The following RGS22 variants were observed in gnomAD, a reference collection of about 807,000 sequenced individuals.
RGS22 encodes the protein regulator of G-protein signaling 22.
A neutral mutation model predicts 172.9 loss-of-function variants in RGS22; 148 were observed. The ratio of observed to expected loss-of-function variants is 0.86; its 90% CI spans 0.75 to 0.98. RGS22 has a LOEUF of 0.98. RGS22 is among the 50% of genes least tolerant of loss of function. The pLI, the probability that RGS22 is intolerant of heterozygous loss-of-function variation, is 0.00. For missense variants in RGS22, 1,347 were observed against 1,440.8 expected (o/e 0.93, Z 1.05); for synonymous variants, 458 against 480.2 (o/e 0.95, Z 0.60).
At chr8:100,067,485 AAGG>A (rs1253563156) in intron 6 of RGS22, among the ~76,000 whole-genome samples, 2 of 152,184 alleles carry the variant, frequency 1.3e-5, no homozygotes, top group African/African-American at 4.8e-5. Flanking sequence ...AGAAACATTC[AAGG>A]AGTTCAGAGA....
At chr8:100,062,480 A>T in intron 9 of RGS22, 111 bp downstream of exon 9, 1 of 694,604 alleles carries the variant, frequency 1.4e-6, no homozygotes, top group Non-Finnish European at 2.4e-6. Context: ...AAGATACAAT[A>T]GTCTTGTCAT....
At chr8:100,056,347 T>C (rs1399978994) in intron 9 of RGS22, among the ~76,000 whole-genome samples, 1 of 152,204 alleles carries the variant, frequency 6.6e-6, no homozygotes, top group Non-Finnish European at 1.5e-5. Context: ...AAACCCATTT[T>C]CTAGGGAGAA....
At chr8:100,047,379 T>C in intron 11 of RGS22, 84 bp downstream of exon 11, 1 of 1,280,580 alleles carries the variant, frequency 7.8e-7, no homozygotes, top group Non-Finnish European at 1.1e-6. Context: ...AAAGTACTAG[T>C]TTTTAATTTC....
intron 23 of RGS22, among the ~76,000 whole-genome samples, chr8:99,968,894 T>C (rs1232021066): frequency 1.3e-5 from 2 of 151,888 alleles, no homozygotes; most frequent in African/African-American, 4.8e-5. Flanking sequence ...ACTAAGATAC[T>C]CCTCGAGAAG....
chr8:99,995,907 T>C (rs1006224288), intron 20 of RGS22, among the ~76,000 whole-genome samples: 2 of 152,146 alleles, frequency 1.3e-5, no homozygotes, highest in Non-Finnish European at 2.9e-5. Flanking sequence ...GTGGCACATA[T>C]ACACCATGGA....
At chr8:100,095,926 T>C (rs1351399505) in intron 2 of RGS22, among the ~76,000 whole-genome samples, 1 of 152,274 alleles carries the variant, frequency 6.6e-6, no homozygotes, top group Non-Finnish European at 1.5e-5. Context: ...AAATAAGTGT[T>C]GCCTGCAAGT....
chr8:100,093,881 A>T (rs1812772351), intron 2 of RGS22, among the ~76,000 whole-genome samples: 1 of 152,224 alleles, frequency 6.6e-6, no homozygotes, highest in South Asian at 2.1e-4. Flanking sequence ...CATATTTCAT[A>T]AAAATAAAGG....
intron 21 of RGS22, 105 bp downstream of exon 21, chr8:99,987,353 G>T: frequency 1.3e-6 from 1 of 771,960 alleles, no homozygotes; most frequent in Non-Finnish European, 2.0e-6. Flanking sequence ...TAGCAAAATT[G>T]GGATATCTTA....
intron 13 of RGS22, 49 bp from the exon 14 acceptor site, chr8:100,039,081 T>A: frequency 9.6e-7 from 1 of 1,038,428 alleles, no homozygotes; most frequent in Non-Finnish European, 1.4e-6. Context: ...TTATTAAAAC[T>A]CTTACAAAGC....
intron 20 of RGS22, among the ~76,000 whole-genome samples, chr8:99,995,808 A>C (rs1814299096): frequency 6.6e-6 from 1 of 152,230 alleles, no homozygotes; most frequent in African/African-American, 2.4e-5. Flanking sequence ...AGACACATGC[A>C]CACGTATGTT....
intron 16 of RGS22, among the ~76,000 whole-genome samples, chr8:100,005,074 A>G (rs1280368334): frequency 6.6e-6 from 1 of 152,058 alleles, no homozygotes; most frequent in East Asian, 1.9e-4. Flanking sequence ...GGATAGTATT[A>G]TAAAGTTTAG....
intron 3 of RGS22, among the ~76,000 whole-genome samples, chr8:100,089,123 G>A (rs544240002): frequency 8.6e-5 from 13 of 151,734 alleles, no homozygotes; most frequent in African/African-American, 2.2e-4. Context: ...AAACAGAGAA[G>A]AAGGAAATTT....
chr8:100,070,027 C>T (rs1486946434), intron 6 of RGS22, among the ~76,000 whole-genome samples: 1 of 39,894 alleles, frequency 2.5e-5, no homozygotes, highest in Non-Finnish European at 4.5e-5. Context: ...GACTCTGTCT[C>T]AAAAAAAAAA....
At chr8:99,967,666 C>T (rs1248718413) in intron 23 of RGS22, among the ~76,000 whole-genome samples, 1 of 152,158 alleles carries the variant, frequency 6.6e-6, no homozygotes, top group East Asian at 1.9e-4. Flanking sequence ...CAGCTGTGGC[C>T]AGACTGCCTC....
intron 9 of RGS22, among the ~76,000 whole-genome samples, chr8:100,060,421 T>TATATATATATATACAC (rs1245783464): frequency 4.2e-5 from 5 of 119,514 alleles, no homozygotes; most frequent in African/African-American, 1.4e-4. Context: ...TATATATATA[T>TATATATATATATACAC]ACACACACAC....
rs761106299 is a variant in RGS22 at position 100,063,606 on chromosome 8, T to C, written c.1162A>G (p.Lys388Glu). The C allele has an allele frequency of 3.1e-6, 5 of 1,614,142 alleles. No homozygotes were observed. The Admixed American group carries it at 5.0e-5, about 16-fold the overall frequency. The change falls in exon 8 of 28, where the codon AAG becomes GAG. Residue 388 changes from lysine to glutamate, a missense_variant. Transcript: ENST00000360863. The stretch of plus-strand genomic sequence containing the variant: ...CTCTCTGGTCCAGCGCTCTCATTCT[T>C]TGAACTTAAACTTGTTTGTTCTATC... ...EEIEQTSLSS[K>E]NESAGPESRA...
At chr8:100,104,585 C>T (rs1170794103) in intron 2 of RGS22, among the ~76,000 whole-genome samples, 1 of 152,154 alleles carries the variant, frequency 6.6e-6, no homozygotes, top group Non-Finnish European at 1.5e-5. Context: ...CTCTTAGTCC[C>T]TGCTAGACTG....
intron 2 of RGS22, among the ~76,000 whole-genome samples, 200 bp downstream of exon 2, chr8:100,105,174 A>G (rs1586316076): frequency 1.3e-5 from 2 of 152,244 alleles, no homozygotes; most frequent in African/African-American, 4.8e-5. Flanking sequence ...CATCCACCAT[A>G]CAAATTAATT....
Position 99,989,848 on chromosome 8 carries a change from A to T in RGS22, c.3019-2229T>A, listed in dbSNP as rs576212169. ...CGACAGAGCGAGACTCTGTCTCTAG[A>T]TAGATAGACAGACAGATAGATAGAT... On this transcript the variant is annotated intron_variant, in intron 20 of 27. Transcript: ENST00000360863. 2.1e-5 allele frequency among the ~76,000 whole-genome samples: 3 copies of T among 145,840 alleles called. No homozygotes were observed. In the South Asian group the frequency reaches 6.8e-4, roughly 33 times the overall value.
Sources: allele counts gnomAD v4.1 joint callset (sites outside exome capture counted in the v4.1 genomes callset), GRCh38; gene constraint gnomAD v4.1.1; transcripts MANE v1.5; gene names NCBI Gene and HGNC (gene_info 2026-07-23, HGNC 2026-07-21).